Variants in FOXJ3 observed in about 807,000 individuals in gnomAD.
The protein encoded by FOXJ3 is forkhead box protein J3.
Under a neutral mutation model 76.1 loss-of-function variants are expected in FOXJ3, and 22 were observed. The observed-to-expected ratio is 0.29, with a 90% CI of 0.21 to 0.41. The LOEUF (loss-of-function observed/expected upper bound fraction) is 0.41, where lower values mean the gene tolerates loss of function less well. Among genes scored for constraint, FOXJ3 ranks in the 10% least tolerant of loss-of-function variants. FOXJ3 has a pLI of 1.00. For missense variants in FOXJ3, 613 were observed against 762.1 expected (o/e 0.80, Z 2.30); for synonymous variants, 269 against 261.2 (o/e 1.03, Z -0.29).
chr1:42,333,093 A>C (rs1328945191), intron 1 of FOXJ3, among the ~76,000 whole-genome samples: 1 of 152,190 alleles, frequency 6.6e-6, no homozygotes, highest in East Asian at 1.9e-4. Flanking sequence ...ACCAAAAAAA[A>C]ACAAAAAGCC....
At chr1:42,256,696 T>C (rs911775588) in intron 4 of FOXJ3, among the ~76,000 whole-genome samples, 1 of 152,206 alleles carries the variant, frequency 6.6e-6, no homozygotes, top group East Asian at 1.9e-4. Flanking sequence ...AAGTTAACCT[T>C]CCATCTGCCC....
Position 42,179,768 on chromosome 1 carries a change from C to T in FOXJ3, c.1811G>A (p.Arg604Gln), listed in dbSNP as rs202207556. ...HMMPSQAFQM[R>Q]RSLPPDDIQD... ...GATGTCATCTGGAGGCAGGGAACGC[C>T]GCATCTGGAAGGCTTGGGAAGGCAT... The change falls in exon 13 of 13, where the codon CGG (arginine) becomes CAG (glutamine). Residue 604 changes from arginine (R) to glutamine (Q), a missense_variant. Physicochemically the swap from Arg to Gln is conservative, Grantham distance 43 (BLOSUM62 1). Around this residue, in one of 3 missense-constraint regions of FOXJ3, gnomAD observed 526 missense variants for 601.4 expected, o/e 0.87. Transcript: ENST00000361346. 5.3e-5 allele frequency: 86 copies of T among 1,614,016 alleles called. No homozygotes were observed. In the East Asian group the frequency reaches 8.9e-4, roughly 17 times the overall value.
At chr1:42,227,206 G>T (rs1647643837) in intron 5 of FOXJ3, among the ~76,000 whole-genome samples, 1 of 152,218 alleles carries the variant, frequency 6.6e-6, no homozygotes, top group Non-Finnish European at 1.5e-5. Flanking sequence ...GTTAACATTA[G>T]AAATGGGTCT....
chr1:42,185,134 C>T (rs1392944042), intron 11 of FOXJ3, among the ~76,000 whole-genome samples: 3 of 151,976 alleles, frequency 2.0e-5, no homozygotes, highest in Admixed American at 2.0e-4. Context: ...CAAAGTCCAG[C>T]TTAAATATGC....
rs147344631 is a variant in FOXJ3, at chr1:42,300,642, G to A, written c.44+10408C>T. On this transcript the variant is annotated intron_variant, in intron 2 of 12. Transcript: ENST00000361346. ...AACACAAGAAAATTAGCCGGGCATG[G>A]TGGCATGTGCTTGTAGTCCCAGCTA... Among the ~76,000 whole-genome samples, 496 of 152,230 alleles carry A rather than the reference G, an allele frequency of 3.3e-3. 2 individuals carry two copies. The highest frequency in any genetic ancestry group is 0.012 in the African/African-American group (483 of 41,552).
Position 42,191,349 on chromosome 1 carries a change from T to G in FOXJ3, c.1305A>C (p.Leu435Phe), listed in dbSNP as rs758019896. The G allele has an allele frequency of 6.4e-7, 1 of 1,573,554 alleles. No homozygotes were observed. Among genetic ancestry groups the G allele is most frequent in the Admixed American group, 1.7e-5 (1 of 57,912 alleles). The stretch of plus-strand genomic sequence containing the variant: ...GTGGGGGTGGGGGTGCCTGATGTGT[T>G]AACGTCTGATGCTGATGGTTCGGAT... ...QHHPNHQHQTLTHQAPPPPQQ... is the reference protein window; with the variant it reads ...QHHPNHQHQTFTHQAPPPPQQ... The change falls in exon 9 of 13, where the codon TTA becomes TTC. Residue 435 changes from leucine to phenylalanine, a missense_variant. This residue lies in a region of FOXJ3 where 526 missense variants were observed against 601.4 expected (regional missense o/e 0.87). Transcript: ENST00000361346.
chr1:42,319,665 G>C (rs1407303416), intron 1 of FOXJ3, among the ~76,000 whole-genome samples: 1 of 152,110 alleles, frequency 6.6e-6, no homozygotes, highest in African/African-American at 2.4e-5. Context: ...TATGGTATGT[G>C]AATTATATCT....
chr1:42,304,820 A>G (rs1259241641), intron 2 of FOXJ3, among the ~76,000 whole-genome samples: 2 of 152,212 alleles, frequency 1.3e-5, no homozygotes, highest in South Asian at 2.1e-4. Flanking sequence ...ACTATCCAGG[A>G]TGTTGGAGTG....
chr1:42,331,255 G>A (rs544370926), intron 1 of FOXJ3, among the ~76,000 whole-genome samples: 89 of 152,150 alleles, frequency 5.8e-4, no homozygotes, highest in African/African-American at 2.0e-3. Flanking sequence ...GGTGGTGCAC[G>A]CCTGTAATCC....
At chr1:42,182,571 C>T (rs1646346563) in intron 11 of FOXJ3, among the ~76,000 whole-genome samples, 1 of 152,216 alleles carries the variant, frequency 6.6e-6, no homozygotes, top group South Asian at 2.1e-4. Context: ...AATCTCGGCT[C>T]ACTGCAACTT....
At chr1:42,183,425 G>T (rs971070216) in intron 11 of FOXJ3, among the ~76,000 whole-genome samples, 17 of 145,702 alleles carry the variant, frequency 1.2e-4, no homozygotes, top group African/African-American at 4.4e-4. Context: ...ACTTCAGAAG[G>T]TTCTTAATAT....
intron 1 of FOXJ3, 120 bp downstream of exon 1, chr1:42,334,939 G>A (rs1231177082): frequency 6.6e-6 from 1 of 152,282 alleles, no homozygotes; most frequent in Non-Finnish European, 1.5e-5. Flanking sequence ...CAACGCGGCT[G>A]CGGCTGGAAG....
At chr1:42,317,830 A>C (rs1655211102) in intron 1 of FOXJ3, among the ~76,000 whole-genome samples, 1 of 152,196 alleles carries the variant, frequency 6.6e-6, no homozygotes, top group African/African-American at 2.4e-5. Flanking sequence ...GGAAAGGTAG[A>C]GAATGTTAGA....
At chr1:42,260,636 T>C (rs1262873979) in intron 4 of FOXJ3, among the ~76,000 whole-genome samples, 1 of 152,126 alleles carries the variant, frequency 6.6e-6, no homozygotes, top group Non-Finnish European at 1.5e-5. Flanking sequence ...AGAGCACCAC[T>C]GCACTGGGCA....
intron 1 of FOXJ3, chr1:42,334,257 G>A: frequency 4.0e-6 from 1 of 250,916 alleles, no homozygotes; most frequent in Non-Finnish European, 6.3e-6. Context: ...GTCCCCTACT[G>A]GCCTCAATTT....
chr1:42,266,028 C>A (rs1651442369), intron 3 of FOXJ3, among the ~76,000 whole-genome samples: 1 of 152,162 alleles, frequency 6.6e-6, no homozygotes, highest in African/African-American at 2.4e-5. Context: ...CTCAAATTAT[C>A]TTGGTTTGTT....
intron 2 of FOXJ3, among the ~76,000 whole-genome samples, chr1:42,287,091 A>C (rs1653105191): frequency 6.6e-6 from 1 of 152,086 alleles, no homozygotes; most frequent in Non-Finnish European, 1.5e-5. Context: ...CTGTAATCCC[A>C]ACACTTTGGG....
chr1:42,199,623 TAAAAAA>T (rs34647911), intron 6 of FOXJ3, among the ~76,000 whole-genome samples: 2 of 145,538 alleles, frequency 1.4e-5, no homozygotes, highest in Admixed American at 1.4e-4. Flanking sequence ...ACGAAGCACA[TAAAAAA>T]AAAAAGATTT....
chr1:42,289,883 G>T (rs1053147005), intron 2 of FOXJ3, among the ~76,000 whole-genome samples: 5 of 152,194 alleles, frequency 3.3e-5, no homozygotes, highest in Non-Finnish European at 7.4e-5. Context: ...AAATTAGACT[G>T]AGTCTTTTAC....
Sources: allele counts gnomAD v4.1 joint callset (sites outside exome capture counted in the v4.1 genomes callset), GRCh38; gene constraint gnomAD v4.1.1; regional missense constraint gnomAD v4.1.1; transcripts MANE v1.5; gene names NCBI Gene and HGNC (gene_info 2026-07-23, HGNC 2026-07-21).